NTM: variants seen among roughly 807,000 people sequenced by gnomAD.
NTM encodes IgLON family member 2.
In NTM, 13 loss-of-function variants were observed where a neutral mutation model predicts 42.1. The observed-to-expected ratio is 0.31, with a 90% CI of 0.20 to 0.49. The LOEUF is 0.49. NTM is among the 20% of genes least tolerant of loss of function. The probability of loss-of-function intolerance (pLI) is 0.99; values close to 1 mark genes in which losing one functional copy is unlikely to be tolerated. For missense variants in NTM, 373 were observed against 452.8 expected (o/e 0.82, Z 1.60); for synonymous variants, 187 against 179.2 (o/e 1.04, Z -0.35).
intron 2 of NTM, among the ~76,000 whole-genome samples, chr11:131,913,427 A>G (rs523871): frequency 0.16 from 24,512 of 152,136 alleles, 2,182 homozygotes; most frequent in South Asian, 0.29. Context: ...ACCAGGCCAG[A>G]ATCTGGTCTC....
intron 2 of NTM, among the ~76,000 whole-genome samples, chr11:132,113,690 T>C (rs1019210474): frequency 5.3e-5 from 8 of 152,132 alleles, no homozygotes; most frequent in Non-Finnish European, 8.8e-5. Context: ...ATGAAGCCAA[T>C]TGGATCTGGA....
intron 4 of NTM, among the ~76,000 whole-genome samples, chr11:132,230,507 G>A (rs891258422): frequency 3.9e-5 from 6 of 152,162 alleles, no homozygotes; most frequent in African/African-American, 1.4e-4. Context: ...CTGGGTTTCA[G>A]GACCTGGGCC....
chr11:131,888,862 C>G (rs1382818754), intron 1 of NTM, among the ~76,000 whole-genome samples: 1 of 151,400 alleles, frequency 6.6e-6, no homozygotes, highest in East Asian at 1.9e-4. Flanking sequence ...TAAAGAGGAG[C>G]CTGGTCTCGG....
chr11:131,390,787 C>A (rs142709373), intron 1 of NTM, among the ~76,000 whole-genome samples: 62 of 152,254 alleles, frequency 4.1e-4, no homozygotes, highest in African/African-American at 1.4e-3. Flanking sequence ...TCAAGCCCCA[C>A]CCCCAGAGAG....
chr11:132,264,380 A>G (rs1411553936), intron 4 of NTM, among the ~76,000 whole-genome samples: 2 of 152,248 alleles, frequency 1.3e-5, no homozygotes, highest in Non-Finnish European at 2.9e-5. Context: ...CTGAAAAAGC[A>G]GTGTATACAT....
chr11:131,932,977 A>G (rs1312996527), intron 2 of NTM, among the ~76,000 whole-genome samples: 5 of 152,232 alleles, frequency 3.3e-5, no homozygotes, highest in African/African-American at 1.2e-4. Context: ...ATAAATAGAC[A>G]GGGGAGCAGA....
At position 132,146,539 on chromosome 11, in the gene NTM, A is replaced by T. The variant is rs967894939; in HGVS notation, c.400+25A>T. ...GGTAGGTGGGCGGGGCTTGGCGGGG[A>T]GATCTGGCTGGCCAGCCTGGAAAGC... On this transcript the variant is annotated intron_variant, in intron 3 of 8. Transcript: ENST00000683400. This position sits in a 1 kb window ranked among gnomAD's most constrained non-coding sequence, Gnocchi z 4.5. 1 of 1,608,798 alleles carries T rather than the reference A, an allele frequency of 6.2e-7. No individual in the cohort carries two copies. The highest frequency in any genetic ancestry group is 1.3e-5 in the African/African-American group (1 of 74,912).
intron 2 of NTM, among the ~76,000 whole-genome samples, chr11:132,065,389 T>A (rs942370772): frequency 2.6e-5 from 4 of 152,172 alleles, no homozygotes; most frequent in Non-Finnish European, 5.9e-5. Flanking sequence ...GTGTAGAATA[T>A]GCTTCTTATA....
rs866294170 is a variant in NTM, at chr11:131,395,698, G to T, written c.82+24810G>T. Among the ~76,000 whole-genome samples the T allele has an allele frequency of 5.3e-5, 8 of 152,246 alleles. No homozygotes were observed. In the Middle Eastern group the frequency reaches 0.02, roughly 388 times the overall value. On this transcript the variant is annotated intron_variant, in intron 1 of 8. Coordinates refer to ENST00000683400, the MANE Select transcript of NTM (RefSeq NM_001352005.2). ...ATTCACCTCTGTAATGCTCCTTTTAGTTAAAACTGTGAAGGGAGAAGTGGC... is the reference window on the plus strand; with the variant it reads ...ATTCACCTCTGTAATGCTCCTTTTATTTAAAACTGTGAAGGGAGAAGTGGC...
intron 2 of NTM, among the ~76,000 whole-genome samples, chr11:132,076,991 C>A (rs1397690134): frequency 6.6e-6 from 1 of 152,154 alleles, no homozygotes; most frequent in East Asian, 1.9e-4. Context: ...CCTTCATATT[C>A]CCTAGAAGAG....
rs147537564 is a variant in NTM, at chr11:131,611,803, C to T, written c.82+240915C>T. On this transcript the variant is annotated intron_variant, in intron 1 of 8. Coordinates refer to ENST00000683400, the MANE Select transcript of NTM (RefSeq NM_001352005.2). ...GTCAACCAAGGTGGGAAAGACCAGACTTTCCCCACACAGAGCTATGGTGAT... is the reference window on the plus strand; with the variant it reads ...GTCAACCAAGGTGGGAAAGACCAGATTTTCCCCACACAGAGCTATGGTGAT... Among the ~76,000 whole-genome samples the T allele has an allele frequency of 5.6e-3, 859 of 152,304 alleles. 6 individuals carry two copies. The highest frequency in any genetic ancestry group is 0.019 in the African/African-American group (794 of 41,556).
intron 1 of NTM, among the ~76,000 whole-genome samples, chr11:131,835,904 T>C (rs995235889): frequency 6.6e-6 from 1 of 152,152 alleles, no homozygotes; most frequent in Admixed American, 6.5e-5. Flanking sequence ...CATACACATG[T>C]CATAGAAGAG....
chr11:131,635,749 C>T (rs1022174034), intron 1 of NTM, among the ~76,000 whole-genome samples: 12 of 152,074 alleles, frequency 7.9e-5, no homozygotes, highest in Admixed American at 6.6e-4. Context: ...ATGTCCTAGG[C>T]CTTCATATTC....
chr11:132,168,534 T>A (rs953932023), intron 3 of NTM, among the ~76,000 whole-genome samples: 5 of 152,220 alleles, frequency 3.3e-5, no homozygotes, highest in African/African-American at 1.2e-4. Context: ...CTCCAATCCA[T>A]CCTGCCAACT....
At chr11:131,793,530 A>T (rs2091204246) in intron 1 of NTM, among the ~76,000 whole-genome samples, 1 of 152,228 alleles carries the variant, frequency 6.6e-6, no homozygotes, top group South Asian at 2.1e-4. Context: ...AGTAGCAGAG[A>T]TGTTAAACAA....
chr11:132,291,898 G>A (rs1003996074), intron 4 of NTM, among the ~76,000 whole-genome samples: 9 of 152,168 alleles, frequency 5.9e-5, no homozygotes, highest in Admixed American at 2.6e-4. Flanking sequence ...AACAGAAGCT[G>A]GATTGGACTG....
intron 1 of NTM, among the ~76,000 whole-genome samples, chr11:131,427,546 T>G (rs7101906): frequency 0.15 from 23,557 of 152,118 alleles, 2,485 homozygotes; most frequent in African/African-American, 0.29. Context: ...AGTTTGAAAT[T>G]CCCATTTTGC....
At chr11:131,507,638 T>C (rs1274208545) in intron 1 of NTM, among the ~76,000 whole-genome samples, 2 of 149,378 alleles carry the variant, frequency 1.3e-5, no homozygotes, top group African/African-American at 5.0e-5. Flanking sequence ...ATCTGTAAAT[T>C]ACCTTGGGCA....
intron 8 of NTM, among the ~76,000 whole-genome samples, chr11:132,334,219 A>T (rs1350500455): frequency 6.6e-6 from 1 of 152,204 alleles, no homozygotes; most frequent in East Asian, 1.9e-4. Flanking sequence ...TATGTTTCAG[A>T]ACAATAGGGA....
Sources: allele counts gnomAD v4.1 joint callset (sites outside exome capture counted in the v4.1 genomes callset), GRCh38; gene constraint gnomAD v4.1.1; non-coding constraint Gnocchi (gnomAD v3.1); transcripts MANE v1.5; gene names NCBI Gene and HGNC (gene_info 2026-07-23, HGNC 2026-07-21).